The following CAMK2A variants were observed in gnomAD, a reference collection of about 807,000 sequenced individuals.
CAMK2A encodes calcium/calmodulin dependent protein kinase II alpha.
CAMK2A carries 7 observed loss-of-function variants against 79.2 expected under a neutral mutation model. The ratio of observed to expected loss-of-function variants is 0.09; its 90% CI spans 0.05 to 0.17. The LOEUF is 0.17. CAMK2A is among the 10% of genes least tolerant of loss of function. The pLI, the probability that CAMK2A is intolerant of heterozygous loss-of-function variation, is 1.00. For synonymous variants in CAMK2A, 242 were observed against 251.7 expected (o/e 0.96, Z 0.36); for missense variants, 214 against 646.4 (o/e 0.33, Z 7.25).
chr5:150,263,489 A>C (rs920031311), intron 3 of CAMK2A, among the ~76,000 whole-genome samples: 2 of 148,876 alleles, frequency 1.3e-5, no homozygotes, highest in Non-Finnish European at 1.5e-5. Flanking sequence ...TCTCACATAC[A>C]CTCACACACT....
chr5:150,285,540 G>C (rs1757389120), intron 1 of CAMK2A, among the ~76,000 whole-genome samples: 1 of 152,164 alleles, frequency 6.6e-6, no homozygotes, highest in African/African-American at 2.4e-5. Flanking sequence ...CCAGGCCCCA[G>C]GACCTCAGTA....
chr5:150,257,804 C>A (rs555418903), intron 3 of CAMK2A, among the ~76,000 whole-genome samples, 187 bp from the exon 4 acceptor site: 1 of 152,312 alleles, frequency 6.6e-6, no homozygotes, highest in African/African-American at 2.4e-5. Flanking sequence ...CCGAATAGAC[C>A]TCAGGCATTA....
Position 150,223,195 on chromosome 5 carries a change from G to C in CAMK2A, c.1260C>G (p.Pro420=), listed in dbSNP as rs373786921. The change falls in exon 18 of 19, where the codon CCC becomes CCG. Residue 420 remains proline, a synonymous_variant. Transcript: ENST00000671881. This position sits in a 1 kb window ranked among gnomAD's most constrained non-coding sequence, Gnocchi z 4.1. ...FENLWSRNSK[P]VHTTILNPHI... ...GGGGATTCAGGATGGTGGTGTGCACGGGCTTGCTGTTCCGGGACCACACTG... is the reference window on the plus strand; with the variant it reads ...GGGGATTCAGGATGGTGGTGTGCACCGGCTTGCTGTTCCGGGACCACACTG... 5.0e-6 allele frequency: 8 copies of C among 1,613,606 alleles called. No individual in the cohort carries two copies. The highest frequency in any genetic ancestry group is 5.1e-6 in the Non-Finnish European group (6 of 1,180,040).
rs35164363 is a variant in CAMK2A, at chr5:150,221,749, CAAAA to C, written c.*957_*960del. The C allele has an allele frequency of 3.1e-4, 99 of 317,356 alleles. No individual in the cohort carries two copies. Among genetic ancestry groups the C allele is most frequent in the East Asian group, 1.7e-3 (40 of 23,410 alleles). The allele number at this position is 317,356 out of a possible 1,614,324, so 19.7% of individuals were successfully genotyped here. On this transcript the variant is annotated 3_prime_UTR_variant, in exon 19 of 19. Coordinates refer to ENST00000671881, the MANE Select transcript of CAMK2A (RefSeq NM_015981.4). Reference sequence around the variant, plus strand: ...GTGACAAGGTCCACCTCAGAGATGACAAAAAAAAAAAAAAAAACTAGAACAGAAA... The same window carrying C: ...GTGACAAGGTCCACCTCAGAGATGACAAAAAAAAAAAAACTAGAACAGAAA...
intron 17 of CAMK2A, among the ~76,000 whole-genome samples, chr5:150,226,041 C>T (rs558230842): frequency 3.9e-5 from 6 of 152,178 alleles, no homozygotes; most frequent in Non-Finnish European, 7.4e-5. Context: ...CCACCGCACC[C>T]GGCCGAGAAT....
At chr5:150,222,743 G>A (rs1275456664) in intron 18 of CAMK2A, 30 bp from the exon 19 acceptor site, 4 of 1,613,750 alleles carry the variant, frequency 2.5e-6, no homozygotes, top group South Asian at 1.1e-5. Context: ...TGCTTCTCAG[G>A]GCATGGTGTT....
At chr5:150,275,130 T>A (rs917621957) in intron 1 of CAMK2A, among the ~76,000 whole-genome samples, 7 of 152,166 alleles carry the variant, frequency 4.6e-5, no homozygotes, top group African/African-American at 1.7e-4. Context: ...CCAAGAAATA[T>A]AACCTTGTAG....
At chr5:150,237,769 T>A (rs1374433611) in intron 15 of CAMK2A, among the ~76,000 whole-genome samples, 4 of 152,166 alleles carry the variant, frequency 2.6e-5, no homozygotes, top group Non-Finnish European at 5.9e-5. Context: ...CCAGATAAGG[T>A]GCTGAGACCG....
Position 150,221,807 on chromosome 5 carries a change from C to A in CAMK2A, c.*903G>T, listed in dbSNP as rs1345488107. The stretch of plus-strand genomic sequence containing the variant: ...ACTACCCCTCACCCCTCTTCCTACA[C>A]CCCTTCCAACCTGACCCTTCTCACA... On this transcript the variant is annotated 3_prime_UTR_variant, in exon 19 of 19. Transcript: ENST00000671881. 2.5e-6 allele frequency: 1 copy of A among 392,778 alleles called. No homozygotes were observed. Among genetic ancestry groups the A allele is most frequent in the Non-Finnish European group, 4.5e-6 (1 of 223,326 alleles). 24.3% of individuals were successfully genotyped at this position (392,778 alleles called of 1,614,324 possible). A position where few individuals can be genotyped will look rare whatever the true frequency, so the allele number is the denominator to read the frequency against.
chr5:150,228,917 C>T (rs1043096669), intron 16 of CAMK2A, among the ~76,000 whole-genome samples: 1 of 152,124 alleles, frequency 6.6e-6, no homozygotes, highest in Non-Finnish European at 1.5e-5. Context: ...CAGGGCATGA[C>T]GGAGGCTGTG....
intron 7 of CAMK2A, among the ~76,000 whole-genome samples, chr5:150,252,499 T>A (rs1274997139): frequency 6.6e-6 from 1 of 152,136 alleles, no homozygotes; most frequent in African/African-American, 2.4e-5. Context: ...CTTGTTGGAG[T>A]TGGTCATGGG....
intron 1 of CAMK2A, among the ~76,000 whole-genome samples, chr5:150,277,427 G>C (rs1036055530): frequency 6.6e-6 from 1 of 152,230 alleles, no homozygotes; most frequent in Admixed American, 6.5e-5. Flanking sequence ...AGCGAGGGGG[G>C]CTCTGCACAG....
Position 150,223,063 on chromosome 5 carries a change from A to G in CAMK2A, c.1392T>C (p.Arg464=), listed in dbSNP as rs2114011549. The change falls in exon 18 of 19, where the codon CGT becomes CGC. Residue 464 remains arginine, a synonymous_variant. Transcript: ENST00000671881. The surrounding 1 kb of genome is among the most constrained non-coding windows in gnomAD (Gnocchi z 4.1). The part of the protein sequence containing the change: ...IPRTAQSEET[R]VWHRRDGKWQ... ...ATTTGCCATCCCGGCGGTGCCAGAC[A>G]CGGGTCTCCTCCGACTGGGCGGTGC... The G allele has an allele frequency of 6.2e-7, 1 of 1,614,210 alleles. No individual in the cohort carries two copies. The highest frequency in any genetic ancestry group is 8.5e-7 in the Non-Finnish European group (1 of 1,180,040).
At position 150,248,519 on chromosome 5, in the gene CAMK2A, T is replaced by C. The variant is rs547545370; in HGVS notation, c.901-705A>G. Among the ~76,000 whole-genome samples, 6 of 123,052 alleles carry C rather than the reference T, an allele frequency of 4.9e-5. No homozygotes were observed. In the East Asian group the frequency reaches 1.5e-3, roughly 30 times the overall value. The allele number at this position is 123,052 out of a possible 152,430, so 80.7% of individuals were successfully genotyped here. A position where few individuals can be genotyped will look rare whatever the true frequency, so the allele number is the denominator to read the frequency against. On this transcript the variant is annotated intron_variant, in intron 11 of 18. Coordinates refer to ENST00000671881, the MANE Select transcript of CAMK2A (RefSeq NM_015981.4). ...CCCCACAACAGGCCCCGGTGTGTGA[T>C]GTTCCCCTTCCTGTGTCCAAGTGTT...
chr5:150,281,197 A>G (rs1041435955), intron 1 of CAMK2A, among the ~76,000 whole-genome samples: 13 of 151,806 alleles, frequency 8.6e-5, no homozygotes, highest in Non-Finnish European at 1.9e-4. Flanking sequence ...AAATTTCCCC[A>G]CTCTTGGTTA....
intron 1 of CAMK2A, among the ~76,000 whole-genome samples, chr5:150,276,873 T>G (rs1756969732): frequency 6.6e-6 from 1 of 152,102 alleles, no homozygotes; most frequent in South Asian, 2.1e-4. Flanking sequence ...CCATTCTAGG[T>G]AAAGACCTTA....
chr5:150,265,091 C>T (rs549000558), intron 2 of CAMK2A, 76 bp from the exon 3 acceptor site: 28 of 1,120,910 alleles, frequency 2.5e-5, no homozygotes, highest in African/African-American at 1.8e-4. Context: ...CTCAAAGCCT[C>T]GTATTATCTC....
rs527589785 is a variant in CAMK2A, at chr5:150,284,444, G to A, written c.62+5120C>T. On this transcript the variant is annotated intron_variant, in intron 1 of 18. Coordinates refer to ENST00000671881, the MANE Select transcript of CAMK2A (RefSeq NM_015981.4). This position sits in a 1 kb window ranked among gnomAD's most constrained non-coding sequence, Gnocchi z 5.3. ...CACAGAGAGGGCCATGGCCCAGACT[G>A]CAGGGCATGCTGGCAGCAGTGTCAC... Among the ~76,000 whole-genome samples the A allele has an allele frequency of 3.0e-4, 45 of 150,858 alleles. No individual in the cohort carries two copies. The highest frequency in any genetic ancestry group is 1.1e-3 in the African/African-American group (44 of 41,298).
Position 150,256,460 on chromosome 5 carries a change from C to A in CAMK2A, c.411+113G>T. 2 of 724,076 alleles carry A rather than the reference C, an allele frequency of 2.8e-6. No homozygotes were observed. Among genetic ancestry groups the A allele is most frequent in the Admixed American group, 2.3e-5 (1 of 43,318 alleles). 44.9% of individuals were successfully genotyped at this position (724,076 alleles called of 1,614,324 possible). On this transcript the variant is annotated intron_variant, in intron 6 of 18. Coordinates refer to ENST00000671881, the MANE Select transcript of CAMK2A (RefSeq NM_015981.4). This position sits in a 1 kb window ranked among gnomAD's most constrained non-coding sequence, Gnocchi z 4.6. ...TAATCTCACCCACCCCACCTTCCAG[C>A]CTAACACAGAGAAATTAAAGCGATT...
Sources: gnomAD v4.1 joint callset for allele counts (sites outside exome capture counted in the v4.1 genomes callset) on GRCh38, gnomAD v4.1.1 for gene constraint, Gnocchi (gnomAD v3.1) non-coding constraint, MANE v1.5 for transcripts, NCBI Gene and HGNC (gene_info 2026-07-23, HGNC 2026-07-21) for gene names.